KCNQ1: variants seen among roughly 807,000 people sequenced by gnomAD.
The protein encoded by KCNQ1 is potassium voltage-gated channel subfamily KQT member 1.
KCNQ1 carries 49 observed loss-of-function variants against 72.4 expected under a neutral mutation model. That is an observed-to-expected ratio of 0.68 (90% CI 0.54 to 0.86). The LOEUF (loss-of-function observed/expected upper bound fraction) is 0.86. Among genes scored for constraint, KCNQ1 ranks in the 40% least tolerant of loss-of-function variants. The pLI is 0.00. For missense variants in KCNQ1, 790 were observed against 945.1 expected, an observed-to-expected ratio of 0.84 and a Z score of 2.15; for synonymous variants, 450 against 412.6, an observed-to-expected ratio of 1.09 and a Z score of -1.10.
At position 2,654,168 on chromosome 11, in the gene KCNQ1, G is replaced by C; in HGVS notation, c.1394-7793G>C. 2.5e-6 allele frequency: 1 copy of C among 398,820 alleles called. No individual in the cohort carries two copies. The highest frequency in any genetic ancestry group is 4.4e-6 in the Non-Finnish European group (1 of 226,218). The allele number at this position is 398,820 out of a possible 1,614,324, so 24.7% of individuals were successfully genotyped here. ...GTCTATGAGCCGGGCATGGGCAGCT[G>C]GCACAGGCTGTGGGGCTGCGGCTCA... On this transcript the variant is annotated intron_variant, in intron 10 of 15. Transcript: ENST00000155840. The surrounding 1 kb of genome is among the most constrained non-coding windows in gnomAD (Gnocchi z 6.4).
rs537378412 is a variant in KCNQ1 at position 2,577,893 on chromosome 11, G to A, written c.921+4907G>A. Among the ~76,000 whole-genome samples, 7 of 151,636 alleles carry A rather than the reference G, an allele frequency of 4.6e-5. No homozygotes were observed. In the South Asian group the frequency reaches 6.3e-4, roughly 14 times the overall value. On this transcript the variant is annotated intron_variant, in intron 6 of 15. Transcript: ENST00000155840. The stretch of plus-strand genomic sequence containing the variant: ...CACCCAGGGGCCTCCCTCTGTCCAC[G>A]GCTCCCCCTTTCCCAGGCCACCCCC...
At position 2,642,140 on chromosome 11, in the gene KCNQ1, TCTATTTC is replaced by T. The variant is rs1849590118; in HGVS notation, c.1394-19819_1394-19813del. On this transcript the variant is annotated intron_variant, in intron 10 of 15. Transcript: ENST00000155840. The surrounding 1 kb of genome is among the most constrained non-coding windows in gnomAD (Gnocchi z 4.3). ...GTTCCATCTGAATTTTAGGATTTTTTCTATTTCCATGAAAAATGGCATTGGTATTTTG... is the reference window on the plus strand; with the variant it reads ...GTTCCATCTGAATTTTAGGATTTTTTCATGAAAAATGGCATTGGTATTTTG... The T allele has an allele frequency of 2.5e-6, 1 of 398,494 alleles. No individual in the cohort carries two copies. Among genetic ancestry groups the T allele is most frequent in the African/African-American group, 2.1e-5 (1 of 48,762 alleles). The allele number at this position is 398,494 out of a possible 1,614,324, so 24.7% of individuals were successfully genotyped here. A position where few individuals can be genotyped will look rare whatever the true frequency, so the allele number is the denominator to read the frequency against.
rs424834 is a variant in KCNQ1 at position 2,699,707 on chromosome 11, G to C, written c.1514+37626G>C. The C allele has an allele frequency of 1.3e-3, 287 of 215,908 alleles. 2 individuals are homozygous for C. The highest frequency in any genetic ancestry group is 4.4e-3 in the Middle Eastern group (4 of 906). 13.4% of individuals were successfully genotyped at this position (215,908 alleles called of 1,614,324 possible). ...AAGCCCCGGGTGCCCCGAGGAGAACGGCGCCGAGGAGTCCCCGGGGAGAAC... is the reference window on the plus strand; with the variant it reads ...AAGCCCCGGGTGCCCCGAGGAGAACCGCGCCGAGGAGTCCCCGGGGAGAAC... On this transcript the variant is annotated intron_variant, in intron 11 of 15. Coordinates refer to ENST00000155840, the MANE Select transcript of KCNQ1 (RefSeq NM_000218.3).
At chr11:2,633,737 G>A (rs933314488) in intron 10 of KCNQ1, 17 of 398,276 alleles carry the variant, frequency 4.3e-5, no homozygotes, top group Non-Finnish European at 4.4e-5. Context: ...TCTGTTTTAT[G>A]CCCATTGCAT....
rs181923855 is a variant in KCNQ1 at position 2,753,680 on chromosome 11, T to A, written c.1515-15164T>A. 6.3e-3 allele frequency among the ~76,000 whole-genome samples: 965 copies of A among 152,316 alleles called. 6 individuals carry two copies. Among genetic ancestry groups the A allele is most frequent in the Admixed American group, 0.012 (187 of 15,302 alleles). ...CATCACCCTCAAAATGTCCCTTGCA[T>A]CCCAGGTACAAAGCCATACCAGGCC... On this transcript the variant is annotated intron_variant, in intron 11 of 15. Coordinates refer to ENST00000155840, the MANE Select transcript of KCNQ1 (RefSeq NM_000218.3).
intron 1 of KCNQ1, among the ~76,000 whole-genome samples, chr11:2,454,744 A>G (rs1846162432): frequency 6.6e-6 from 1 of 152,194 alleles, no homozygotes; most frequent in Non-Finnish European, 1.5e-5. Context: ...AAAACCCTCA[A>G]CAAAAATAGG....
chr11:2,649,579 A>G (rs1849726341), intron 10 of KCNQ1: 1 of 398,584 alleles, frequency 2.5e-6, no homozygotes, highest in Non-Finnish European at 4.4e-6. Flanking sequence ...ATTTGTGGCT[A>G]GCAATTTTGT....
At chr11:2,847,301 G>A (rs1722838589) in intron 15 of KCNQ1, among the ~76,000 whole-genome samples, 1 of 152,252 alleles carries the variant, frequency 6.6e-6, no homozygotes, top group African/African-American at 2.4e-5. Context: ...TCCAGACACA[G>A]TAGACATAGC....
Position 2,787,028 on chromosome 11 carries a change from G to C in KCNQ1, c.1794+8991G>C, listed in dbSNP as rs949734937. Among the ~76,000 whole-genome samples the C allele has an allele frequency of 1.4e-5, 2 of 145,246 alleles. No homozygotes were observed. Among genetic ancestry groups the C allele is most frequent in the Non-Finnish European group, 3.0e-5 (2 of 66,610 alleles). ...AATTTTTGAAGTCTGGTGTGAAGTT[G>C]GGGTCCTCAGGGAGGAATCATGTTT... On this transcript the variant is annotated intron_variant, in intron 15 of 15. Coordinates refer to ENST00000155840, the MANE Select transcript of KCNQ1 (RefSeq NM_000218.3). This position sits in a 1 kb window ranked among gnomAD's most constrained non-coding sequence, Gnocchi z 6.3.
chr11:2,835,923 A>T (rs1319696855), intron 15 of KCNQ1, among the ~76,000 whole-genome samples: 1 of 152,096 alleles, frequency 6.6e-6, no homozygotes, highest in Non-Finnish European at 1.5e-5. Context: ...TAAGCAGATG[A>T]CAGGGCAGTG....
chr11:2,641,157 G>T (rs891763835), intron 10 of KCNQ1: 2 of 398,350 alleles, frequency 5.0e-6, no homozygotes, highest in South Asian at 1.3e-4. Flanking sequence ...TTAGTATACT[G>T]ATATCTTTTC....
At chr11:2,583,299 T>C in intron 6 of KCNQ1, 136 bp from the exon 7 acceptor site, 3 of 733,386 alleles carry the variant, frequency 4.1e-6, no homozygotes, top group Non-Finnish European at 7.5e-6. Context: ...TTTCGCCGAG[T>C]CACACGGGGT....
chr11:2,592,771 C>T lies in KCNQ1; in HGVS notation c.1393+3917C>T, dbSNP rs1008943829. ...TGCTGCCTTGGGCGTCCTGAAGATCCTCTGTATGCTTGTGGGGTGGGGGCA... is the reference window on the plus strand; with the variant it reads ...TGCTGCCTTGGGCGTCCTGAAGATCTTCTGTATGCTTGTGGGGTGGGGGCA... On this transcript the variant is annotated intron_variant, in intron 10 of 15. Coordinates refer to ENST00000155840, the MANE Select transcript of KCNQ1 (RefSeq NM_000218.3). The surrounding 1 kb of genome is among the most constrained non-coding windows in gnomAD (Gnocchi z 5.2). Among the ~76,000 whole-genome samples, 4 of 152,212 alleles carry T rather than the reference C, an allele frequency of 2.6e-5. No homozygotes were observed. The highest frequency in any genetic ancestry group is 9.6e-5 in the African/African-American group (4 of 41,456).
intron 1 of KCNQ1, among the ~76,000 whole-genome samples, chr11:2,480,451 C>CA (rs914978093): frequency 6.6e-6 from 1 of 152,194 alleles, no homozygotes; most frequent in Non-Finnish European, 1.5e-5. Flanking sequence ...AGAATGAAAA[C>CA]AGAGTGCAAG....
rs1043714101 is a variant in KCNQ1 at position 2,549,872 on chromosome 11, C to T, written c.478-20756C>T. Among the ~76,000 whole-genome samples the T allele has an allele frequency of 6.6e-6, 1 of 152,156 alleles. No homozygotes were observed. The highest frequency in any genetic ancestry group is 2.4e-5 in the African/African-American group (1 of 41,428). ...GCAGGACACCCCTCCCTGGCTTTTCCTTCTGCACCACTCAATCTGGGGGTT... is the reference window on the plus strand; with the variant it reads ...GCAGGACACCCCTCCCTGGCTTTTCTTTCTGCACCACTCAATCTGGGGGTT... On this transcript the variant is annotated intron_variant, in intron 2 of 15. Transcript: ENST00000155840. This position sits in a 1 kb window ranked among gnomAD's most constrained non-coding sequence, Gnocchi z 6.2.
intron 1 of KCNQ1, among the ~76,000 whole-genome samples, chr11:2,487,763 T>C (rs977319258): frequency 6.6e-6 from 1 of 152,218 alleles, no homozygotes; most frequent in Non-Finnish European, 1.5e-5. Context: ...TAAGTTTTTG[T>C]GGAATCTTTA....
intron 11 of KCNQ1, chr11:2,696,248 G>C (rs1443662676): frequency 5.0e-6 from 2 of 398,474 alleles, no homozygotes; most frequent in Non-Finnish European, 8.8e-6. Flanking sequence ...ACTACCTTTT[G>C]CTTTCAAATA....
chr11:2,527,592 T>G (rs1847531777), intron 1 of KCNQ1, among the ~76,000 whole-genome samples: 8 of 152,234 alleles, frequency 5.3e-5, no homozygotes, highest in Admixed American at 5.2e-4. Context: ...ACCAGCCTGC[T>G]TTCTGTTTCT....
At chr11:2,763,754 G>A (rs1846449223) in intron 11 of KCNQ1, among the ~76,000 whole-genome samples, 1 of 151,758 alleles carries the variant, frequency 6.6e-6, no homozygotes, top group South Asian at 2.1e-4. Flanking sequence ...TACAGATGGG[G>A]TCTCACTATG....
Sources: gnomAD v4.1 joint callset for allele counts (sites outside exome capture counted in the v4.1 genomes callset) on GRCh38, gnomAD v4.1.1 for gene constraint, Gnocchi (gnomAD v3.1) non-coding constraint, MANE v1.5 for transcripts, NCBI Gene and HGNC (gene_info 2026-07-23, HGNC 2026-07-21) for gene names.